Variants in ZNF536 observed in about 807,000 individuals in gnomAD.
ZNF536 encodes the protein zinc finger protein 536.
In ZNF536, 13 loss-of-function variants were observed where a neutral mutation model predicts 84.5. The ratio of observed to expected loss-of-function variants is 0.15; its 90% CI spans 0.10 to 0.24. ZNF536 has a LOEUF of 0.24. Among genes scored for constraint, ZNF536 ranks in the 10% least tolerant of loss-of-function variants. The pLI is 1.00. For synonymous variants in ZNF536, 811 were observed against 742.5 expected (o/e 1.09, Z -1.50); for missense variants, 1,536 against 1,747.5 (o/e 0.88, Z 2.16).
At chr19:30,284,010 T>C (rs1412562586) in intron 1 of ZNF536, 1 of 152,254 alleles carries the variant, frequency 6.6e-6, no homozygotes, top group Non-Finnish European at 1.5e-5. Context: ...ATGCTGTTTA[T>C]GTGACTTACT....
intron 4 of ZNF536, 50 bp downstream of exon 4, chr19:30,549,564 C>T (rs2146262293): frequency 6.9e-7 from 1 of 1,441,680 alleles, no homozygotes; most frequent in South Asian, 1.8e-5. Flanking sequence ...AACATCAGTG[C>T]TGAATTGTGC....
chr19:30,300,898 C>T (rs1006459551), intron 2 of ZNF536, among the ~76,000 whole-genome samples: 7 of 152,180 alleles, frequency 4.6e-5, no homozygotes, highest in South Asian at 2.1e-4. Flanking sequence ...CTAGCTCTGC[C>T]GCTAACTAGC....
intron 2 of ZNF536, among the ~76,000 whole-genome samples, chr19:30,320,620 G>C (rs935290208): frequency 6.6e-6 from 1 of 152,144 alleles, no homozygotes; most frequent in South Asian, 2.1e-4. Context: ...CGGAGCCCCC[G>C]TCAGAGAGCC....
At chr19:30,598,612 C>T in intron 1 of ZNF536, among the ~76,000 whole-genome samples, 1 of 152,096 alleles carries the variant, frequency 6.6e-6, no homozygotes, top group Non-Finnish European at 1.5e-5. Flanking sequence ...CTCCATCTAT[C>T]TAGACAACTC....
chr19:30,707,748 G>A (rs1448467313), intron 1 of ZNF536, among the ~76,000 whole-genome samples: 3 of 152,132 alleles, frequency 2.0e-5, no homozygotes, highest in South Asian at 2.1e-4. Context: ...GGTGGCTCAC[G>A]TCTGTAATCC....
chr19:30,392,697 G>A (rs1177999489), intron 1 of ZNF536, among the ~76,000 whole-genome samples: 1 of 152,184 alleles, frequency 6.6e-6, no homozygotes, highest in Non-Finnish European at 1.5e-5. Flanking sequence ...TATGAGTGCT[G>A]TTTTATTTCT....
chr19:30,692,446 T>C (rs189206125), intron 1 of ZNF536, among the ~76,000 whole-genome samples: 31 of 152,396 alleles, frequency 2.0e-4, no homozygotes, highest in African/African-American at 7.0e-4. Flanking sequence ...ACAGTAATTC[T>C]GATTCTTTGC....
chr19:30,367,232 G>A (rs762786563), intron 3 of ZNF536, among the ~76,000 whole-genome samples: 1 of 152,194 alleles, frequency 6.6e-6, no homozygotes, highest in Admixed American at 6.5e-5. Context: ...CCCTTGCAGG[G>A]TTGGAGGGTG....
chr19:30,480,237 G>T (rs951033156), intron 2 of ZNF536, among the ~76,000 whole-genome samples: 1 of 152,092 alleles, frequency 6.6e-6, no homozygotes, highest in African/African-American at 2.4e-5. Context: ...ATCCATCTCA[G>T]GCTCCCGTGG....
intron 1 of ZNF536, among the ~76,000 whole-genome samples, chr19:30,268,887 C>T (rs12151112): frequency 0.015 from 2,231 of 152,264 alleles, 26 homozygotes; most frequent in Non-Finnish European, 0.025. Flanking sequence ...TTCCCCTTTT[C>T]TTGCTTTTAG....
chr19:30,562,867 C>T (rs1651217776), downstream of ZNF536, among the ~76,000 whole-genome samples: 1 of 152,100 alleles, frequency 6.6e-6, no homozygotes. Flanking sequence ...CTCAAAATCA[C>T]TCTGAGCTTG....
At chr19:30,484,352 G>A (rs539535056) in intron 2 of ZNF536, among the ~76,000 whole-genome samples, 7 of 147,694 alleles carry the variant, frequency 4.7e-5, no homozygotes, top group East Asian at 2.0e-4. Context: ...TCAGCCTCCC[G>A]AGTAGCTGGG....
intron 2 of ZNF536, among the ~76,000 whole-genome samples, chr19:30,504,892 C>T (rs2055103592): frequency 6.6e-6 from 1 of 151,946 alleles, no homozygotes; most frequent in Admixed American, 6.6e-5. Flanking sequence ...CACACAGTTT[C>T]CAGAGAAAGA....
At position 30,557,213 on chromosome 19, in the gene ZNF536, G is replaced by A. The variant is rs2146374203; in HGVS notation, c.*49G>A. 1 of 1,604,732 alleles carries A rather than the reference G, an allele frequency of 6.2e-7. No individual in the cohort carries two copies. The highest frequency in any genetic ancestry group is 2.2e-5 in the East Asian group (1 of 44,776). ...TCTGGACTTGCCCTTGTCTGTTCGT[G>A]GTCCTCGGTGGTTATCTGCAGCTTG... On this transcript the variant is annotated 3_prime_UTR_variant, in exon 5 of 5. Coordinates refer to ENST00000355537, the MANE Select transcript of ZNF536 (RefSeq NM_014717.3).
chr19:30,693,259 T>C (rs1306679005), intron 1 of ZNF536, among the ~76,000 whole-genome samples: 1 of 152,220 alleles, frequency 6.6e-6, no homozygotes. Context: ...CCCTTATCCC[T>C]GCTGAAGGAA....
chr19:30,547,816 C>T (rs936231814), intron 3 of ZNF536, 127 bp from the exon 4 acceptor site: 1 of 1,071,400 alleles, frequency 9.3e-7, no homozygotes, highest in African/African-American at 1.6e-5. Flanking sequence ...TATTAAAAAA[C>T]AGTTGTTCTC....
At chr19:30,272,644 T>C (rs2025916856) in intron 1 of ZNF536, among the ~76,000 whole-genome samples, 1 of 152,216 alleles carries the variant, frequency 6.6e-6, no homozygotes, top group Non-Finnish European at 1.5e-5. Context: ...TCCCAGAATG[T>C]CCTGTATTTG....
At chr19:30,287,693 G>A (rs1329737604) in intron 2 of ZNF536, among the ~76,000 whole-genome samples, 5 of 143,532 alleles carry the variant, frequency 3.5e-5, no homozygotes, top group African/African-American at 5.2e-5. Context: ...TGGATGGATG[G>A]ATGGATGGAT....
intron 2 of ZNF536, among the ~76,000 whole-genome samples, chr19:30,496,660 C>T (rs945749036): frequency 6.6e-6 from 1 of 152,116 alleles, no homozygotes; most frequent in Non-Finnish European, 1.5e-5. Flanking sequence ...AATGACATTC[C>T]GGAGGTAAAG....
Sources: gnomAD v4.1 joint callset for allele counts (sites outside exome capture counted in the v4.1 genomes callset) on GRCh38, gnomAD v4.1.1 for gene constraint, MANE v1.5 for transcripts, NCBI Gene and HGNC (gene_info 2026-07-23, HGNC 2026-07-21) for gene names.